CDK17: variants seen among roughly 807,000 people sequenced by gnomAD.
CDK17 encodes the protein cyclin dependent kinase 17.
CDK17 carries 24 observed loss-of-function variants against 77.6 expected under a neutral mutation model. That is an observed-to-expected ratio of 0.31 (90% CI 0.22 to 0.44). The LOEUF is 0.44. Ranked by LOEUF, CDK17 falls within the 20% of genes least tolerant of loss-of-function variation. The pLI is 1.00. For synonymous variants in CDK17, 203 were observed against 210.4 expected, an observed-to-expected ratio of 0.96 and a Z score of 0.30; for missense variants, 429 against 622.5, an observed-to-expected ratio of 0.69 and a Z score of 3.31.
intron 1 of CDK17, among the ~76,000 whole-genome samples, chr12:96,376,424 G>T (rs950554597): frequency 2.0e-5 from 3 of 152,054 alleles, no homozygotes; most frequent in African/African-American, 7.2e-5. Context: ...GTTCCTTTCT[G>T]GTTTGCCATT....
At chr12:96,373,674 C>T (rs1420166026) in intron 1 of CDK17, among the ~76,000 whole-genome samples, 1 of 152,160 alleles carries the variant, frequency 6.6e-6, no homozygotes, top group Non-Finnish European at 1.5e-5. Context: ...GTAATCCCAG[C>T]ACTTTGGGAG....
chr12:96,310,598 G>C (rs531279133), intron 5 of CDK17, among the ~76,000 whole-genome samples: 16 of 151,952 alleles, frequency 1.1e-4, no homozygotes, highest in African/African-American at 3.9e-4. Context: ...AAAGGGAACA[G>C]AAGGGGGTTT....
Position 96,400,367 on chromosome 12 carries a change from A to C in CDK17, c.-411T>G, listed in dbSNP as rs936896730. ...CGCGGCTCTGCGGCGGCCCGCGGGG[A>C]GCTCAGGAGACTGCGGGCGGCCGCG... On this transcript the variant is annotated 5_prime_UTR_variant, in exon 1 of 17. Coordinates refer to ENST00000261211, the MANE Select transcript of CDK17 (RefSeq NM_002595.5). 1 of 385,500 alleles carries C rather than the reference A, an allele frequency of 2.6e-6. No homozygotes were observed. 23.9% of individuals were successfully genotyped at this position (385,500 alleles called of 1,614,324 possible).
intron 2 of CDK17, among the ~76,000 whole-genome samples, chr12:96,328,555 G>A (rs1952922345): frequency 6.6e-6 from 1 of 152,048 alleles, no homozygotes; most frequent in Admixed American, 6.6e-5. Flanking sequence ...GGGGCAGGGA[G>A]GAGACAACAG....
intron 3 of CDK17, among the ~76,000 whole-genome samples, chr12:96,317,159 T>C (rs1410121491): frequency 1.3e-5 from 2 of 148,500 alleles, no homozygotes; most frequent in Non-Finnish European, 3.0e-5. Flanking sequence ...ACATGAAGAA[T>C]GCAGAAGCCT....
chr12:96,283,237 C>A (rs1434657170), intron 14 of CDK17, among the ~76,000 whole-genome samples: 1 of 152,130 alleles, frequency 6.6e-6, no homozygotes, highest in Non-Finnish European at 1.5e-5. Context: ...TATCGTCCCC[C>A]CTTATTCCTG....
intron 1 of CDK17, among the ~76,000 whole-genome samples, chr12:96,392,097 G>A (rs1954078523): frequency 2.0e-5 from 3 of 152,110 alleles, no homozygotes; most frequent in Non-Finnish European, 4.4e-5. Flanking sequence ...CCAAAAGAGG[G>A]AGAGACCTGA....
intron 3 of CDK17, among the ~76,000 whole-genome samples, chr12:96,314,491 T>C (rs548959637): frequency 3.9e-5 from 6 of 152,202 alleles, no homozygotes; most frequent in Non-Finnish European, 5.9e-5. Context: ...GCTACTTATA[T>C]CCTACTGCTC....
chr12:96,316,214 G>A (rs1228880115), intron 3 of CDK17, among the ~76,000 whole-genome samples: 1 of 152,012 alleles, frequency 6.6e-6, no homozygotes, highest in Admixed American at 6.6e-5. Context: ...TGGAAAATCG[G>A]GTCACTCCCA....
intron 16 of CDK17, 176 bp from the exon 17 acceptor site, chr12:96,280,455 T>C (rs1952161160): frequency 1.4e-6 from 2 of 1,421,702 alleles, no homozygotes; most frequent in East Asian, 2.6e-5. Flanking sequence ...ACAGCTTCTA[T>C]GCTTCGAAGT....
chr12:96,387,091 C>T (rs1048177696), intron 1 of CDK17: 19 of 338,652 alleles, frequency 5.6e-5, no homozygotes, highest in South Asian at 2.1e-4. Flanking sequence ...ATGTGTATCA[C>T]GGTGACATCC....
chr12:96,325,613 G>A (rs1952883145), intron 2 of CDK17, among the ~76,000 whole-genome samples: 1 of 152,222 alleles, frequency 6.6e-6, no homozygotes, highest in Non-Finnish European at 1.5e-5. Flanking sequence ...CTCACCCAAG[G>A]TCCAAGCTAT....
chr12:96,280,250 G>A lies in CDK17; in HGVS notation c.1564C>T (p.Leu522Phe), dbSNP rs555077663. The change falls in exon 17 of 17, where the codon CTC (leucine) becomes TTC (phenylalanine). Residue 522 changes from leucine (L) to phenylalanine (F), a missense_variant. This residue lies in a region of CDK17 where 115 missense variants were observed against 124.2 expected (regional missense o/e 0.93). Coordinates refer to ENST00000261211, the MANE Select transcript of CDK17 (RefSeq NM_002595.5). ...AAACCATGTTATCAGACTTAAAAGA[G>A]CATGCTCTGTCTTCTGTTCTTCCCA... Reference protein sequence around the residue: ...GHGKNRRQSMLF With the variant: ...GHGKNRRQSMFF 6.4e-7 allele frequency: 1 copy of A among 1,551,186 alleles called. No individual in the cohort carries two copies. Among genetic ancestry groups the A allele is most frequent in the African/African-American group, 1.4e-5 (1 of 73,134 alleles).
rs114170184 is a variant in CDK17 at position 96,396,134 on chromosome 12, C to T, written c.-30+3852G>A. ...GTTACTGCAGAACACGGTAACATTA[C>T]TTATTAGATTTACTGGTAGATGTCT... is the stretch of plus-strand genomic sequence containing the variant. On this transcript the variant is annotated intron_variant, in intron 1 of 16. Coordinates refer to ENST00000261211, the MANE Select transcript of CDK17 (RefSeq NM_002595.5). 1.0e-2 allele frequency among the ~76,000 whole-genome samples: 1,522 copies of T among 152,280 alleles called. 26 individuals carry two copies. Among genetic ancestry groups the T allele is most frequent in the African/African-American group, 0.033 (1,387 of 41,544 alleles).
At chr12:96,345,370 A>G (rs1255572392) in intron 1 of CDK17, among the ~76,000 whole-genome samples, 2 of 152,192 alleles carry the variant, frequency 1.3e-5, no homozygotes, top group East Asian at 3.8e-4. Flanking sequence ...GTCAAATGGT[A>G]TTTCTGGTTC....
chr12:96,347,762 C>A (rs547597933), intron 1 of CDK17, among the ~76,000 whole-genome samples: 2 of 152,148 alleles, frequency 1.3e-5, no homozygotes, highest in African/African-American at 4.8e-5. Context: ...TCTTCAAGCG[C>A]ATATGGAACA....
In CDK17 at chr12:96,290,054, A is replaced by G. The variant is rs1300123210; in HGVS notation, c.998-767T>C. Among the ~76,000 whole-genome samples, 14 of 152,320 alleles carry G rather than the reference A, an allele frequency of 9.2e-5. No individual in the cohort carries two copies. In the East Asian group the frequency reaches 2.1e-3, roughly 23 times the overall value. Reference sequence around the variant, plus strand: ...AAAAAAAATCGCAAAAAAATCTCATAATGTTTTAAGAAAGTTTACGAATTT... The same window carrying G: ...AAAAAAAATCGCAAAAAAATCTCATGATGTTTTAAGAAAGTTTACGAATTT... On this transcript the variant is annotated intron_variant, in intron 10 of 16. Coordinates refer to ENST00000261211, the MANE Select transcript of CDK17 (RefSeq NM_002595.5).
At chr12:96,284,768 T>C (rs1952226256) in intron 13 of CDK17, among the ~76,000 whole-genome samples, 1 of 152,024 alleles carries the variant, frequency 6.6e-6, no homozygotes, top group Non-Finnish European at 1.5e-5. Flanking sequence ...TTCTCCATGT[T>C]GGTCAGGCTG....
chr12:96,291,963 G>T (rs527875471), intron 10 of CDK17, among the ~76,000 whole-genome samples: 4 of 151,598 alleles, frequency 2.6e-5, no homozygotes, highest in African/African-American at 9.7e-5. Context: ...AGAAGGAGAA[G>T]GAAAAAGAGT....
Sources: allele counts gnomAD v4.1 joint callset (sites outside exome capture counted in the v4.1 genomes callset), GRCh38; gene constraint gnomAD v4.1.1; regional missense constraint gnomAD v4.1.1; transcripts MANE v1.5; gene names NCBI Gene and HGNC (gene_info 2026-07-23, HGNC 2026-07-21).